Variants in SDC4 observed in about 807,000 individuals in gnomAD.
SDC4 encodes syndecan-4.
A neutral mutation model predicts 20.5 loss-of-function variants in SDC4; 17 were observed. That is an observed-to-expected ratio of 0.83 (90% CI 0.57 to 1.25). The LOEUF (loss-of-function observed/expected upper bound fraction) is 1.25. SDC4 is among the 50% of genes most tolerant of loss of function. SDC4 has a pLI of 0.00. For synonymous variants in SDC4, 107 were observed against 105.3 expected (o/e 1.02, Z -0.10); for missense variants, 241 against 252.3 (o/e 0.96, Z 0.30).
In SDC4 at chr20:45,328,531, G is replaced by A. The variant is rs760764764; in HGVS notation, c.446-1116C>T. Among the ~76,000 whole-genome samples the A allele has an allele frequency of 8.5e-4, 129 of 152,290 alleles. 1 individual carries two copies. The highest frequency in any genetic ancestry group is 2.9e-3 in the African/African-American group (120 of 41,574). On this transcript the variant is annotated intron_variant, in intron 4 of 4. Coordinates refer to ENST00000372733, the MANE Select transcript of SDC4 (RefSeq NM_002999.4). ...TTAATAAATGATACTTTCAGGCTCC[G>A]AGAGGAGAACCTGCCTAGTGTTGGG...
At chr20:45,345,009 G>A (rs912111095) in intron 1 of SDC4, 3 of 152,210 alleles carry the variant, frequency 2.0e-5, no homozygotes, top group Admixed American at 6.5e-5. Flanking sequence ...GGAAGCCACT[G>A]CATTGTTCCG....
At chr20:45,342,426 C>T (rs556699119) in intron 1 of SDC4, among the ~76,000 whole-genome samples, 3 of 152,316 alleles carry the variant, frequency 2.0e-5, no homozygotes, top group African/African-American at 7.2e-5. Context: ...CGCCAGTCCC[C>T]GCAGGCCTGG....
At chr20:45,348,223 T>G in intron 1 of SDC4, 102 bp downstream of exon 1, 4 of 1,031,224 alleles carry the variant, frequency 3.9e-6, no homozygotes, top group South Asian at 1.4e-5. Flanking sequence ...GGGGGTAGCG[T>G]ACCCCCGATC....
Position 45,325,606 on chromosome 20 carries a change from C to T in SDC4, c.*1658G>A, listed in dbSNP as rs117951334. The T allele has an allele frequency of 0.026, 3,647 of 141,152 alleles. 79 individuals are homozygous for T. Among genetic ancestry groups the T allele is most frequent in the South Asian group, 0.083 (362 of 4,344 alleles). 8.7% of individuals were successfully genotyped at this position (141,152 alleles called of 1,614,324 possible). On this transcript the variant is annotated 3_prime_UTR_variant, in exon 5 of 5. Coordinates refer to ENST00000372733, the MANE Select transcript of SDC4 (RefSeq NM_002999.4). ...CCCAGACAACAGGCCCCAGCTGGGG[C>T]CTCATCAGCCCTCCCCCATTCCCCC...
chr20:45,327,911 A>G (rs1987718599), intron 4 of SDC4, among the ~76,000 whole-genome samples: 1 of 152,228 alleles, frequency 6.6e-6, no homozygotes, highest in African/African-American at 2.4e-5. Context: ...CTGGGATTAC[A>G]GGCGTGAGCC....
At chr20:45,344,256 A>C (rs552850527) in intron 1 of SDC4, among the ~76,000 whole-genome samples, 2 of 152,060 alleles carry the variant, frequency 1.3e-5, no homozygotes, top group African/African-American at 4.8e-5. Flanking sequence ...GGGGCTGTGA[A>C]AGTGCGGGAC....
chr20:45,325,909 C>T lies in SDC4; in HGVS notation c.*1355G>A, dbSNP rs1987679174. On this transcript the variant is annotated 3_prime_UTR_variant, in exon 5 of 5. Coordinates refer to ENST00000372733, the MANE Select transcript of SDC4 (RefSeq NM_002999.4). ...AGCCCTAGAGCCTGAAGAAAGCAAACCAAAGAACACCAGCTGGGTCCCAAA... is the reference window on the plus strand; with the variant it reads ...AGCCCTAGAGCCTGAAGAAAGCAAATCAAAGAACACCAGCTGGGTCCCAAA... 1.3e-5 allele frequency: 2 copies of T among 152,486 alleles called. No homozygotes were observed. The highest frequency in any genetic ancestry group is 2.9e-5 in the Non-Finnish European group (2 of 68,026). The allele number at this position is 152,486 out of a possible 1,614,324, so 9.4% of individuals were successfully genotyped here. A position where few individuals can be genotyped will look rare whatever the true frequency, so the allele number is the denominator to read the frequency against.
chr20:45,331,820 C>T (rs1002700584), intron 3 of SDC4, among the ~76,000 whole-genome samples: 4 of 152,176 alleles, frequency 2.6e-5, no homozygotes, highest in African/African-American at 9.7e-5. Flanking sequence ...TGTTGGAAAA[C>T]TCATGAATAA....
intron 1 of SDC4, among the ~76,000 whole-genome samples, chr20:45,340,955 C>G (rs149101112): frequency 1.1e-4 from 17 of 152,332 alleles, no homozygotes; most frequent in African/African-American, 3.6e-4. Flanking sequence ...CTCTACCACC[C>G]AGAGTGGTTG....
chr20:45,327,094 T>C lies in SDC4; in HGVS notation c.*170A>G, dbSNP rs1490418601. ...TGAGGCCCAAAGCTCAAGAAGAACCTGGCAGAACAGTAGAAGACAATGTCT... is the reference window on the plus strand; with the variant it reads ...TGAGGCCCAAAGCTCAAGAAGAACCCGGCAGAACAGTAGAAGACAATGTCT... On this transcript the variant is annotated 3_prime_UTR_variant, in exon 5 of 5. Transcript: ENST00000372733. The C allele has an allele frequency of 1.2e-5, 8 of 661,974 alleles. No individual in the cohort carries two copies. Among genetic ancestry groups the C allele is most frequent in the Non-Finnish European group, 1.4e-5 (6 of 415,196 alleles). 41.0% of individuals were successfully genotyped at this position (661,974 alleles called of 1,614,324 possible). A position where few individuals can be genotyped will look rare whatever the true frequency, so the allele number is the denominator to read the frequency against.
intron 4 of SDC4, 92 bp from the exon 5 acceptor site, chr20:45,327,507 C>A (rs998364978): frequency 1.5e-6 from 2 of 1,378,878 alleles, no homozygotes; most frequent in South Asian, 1.4e-5. Context: ...AGTTCTCTTA[C>A]AACCAGACAT....
intron 3 of SDC4, among the ~76,000 whole-genome samples, chr20:45,332,208 T>C (rs918934545): frequency 6.7e-6 from 1 of 149,920 alleles, no homozygotes; most frequent in Non-Finnish European, 1.5e-5. Context: ...CAGGCTGGGG[T>C]GCAATGGTGC....
rs1226075763 is a variant in SDC4 at position 45,326,373 on chromosome 20, CTA to C, written c.*889_*890del. On this transcript the variant is annotated 3_prime_UTR_variant, in exon 5 of 5. Transcript: ENST00000372733. ...AGGGGAAGGGAGGCCCTATCTAAAG[CTA>C]TAAATAGTAAAAAAAAAAAAAAAAA... 8.8e-6 allele frequency: 1 copy of C among 114,140 alleles called. No individual in the cohort carries two copies. Among genetic ancestry groups the C allele is most frequent in the African/African-American group, 3.4e-5 (1 of 29,238 alleles). The allele number at this position is 114,140 out of a possible 1,614,324, so 7.1% of individuals were successfully genotyped here.
chr20:45,345,123 C>T (rs750346176), intron 1 of SDC4: 1 of 152,200 alleles, frequency 6.6e-6, no homozygotes, highest in Non-Finnish European at 1.5e-5. Flanking sequence ...AATAAAGTTA[C>T]ATGCACGAAT....
chr20:45,341,797 C>T (rs1484953105), intron 1 of SDC4, among the ~76,000 whole-genome samples: 2 of 152,170 alleles, frequency 1.3e-5, no homozygotes, highest in Non-Finnish European at 2.9e-5. Flanking sequence ...ACTCCAGGAT[C>T]CTAGGGTGCC....
At chr20:45,345,278 G>C (rs540208167) in intron 1 of SDC4, 1 of 152,254 alleles carries the variant, frequency 6.6e-6, no homozygotes, top group African/African-American at 2.4e-5. Flanking sequence ...ATTCCCTCAA[G>C]TTAATTCCTT....
At chr20:45,347,050 C>T (rs1988041898) in intron 1 of SDC4, among the ~76,000 whole-genome samples, 1 of 152,154 alleles carries the variant, frequency 6.6e-6, no homozygotes, top group African/African-American at 2.4e-5. Context: ...GAATTAAGCT[C>T]CTGGATATAC....
At chr20:45,338,449 T>C (rs761297806) in intron 1 of SDC4, among the ~76,000 whole-genome samples, 3 of 152,186 alleles carry the variant, frequency 2.0e-5, no homozygotes, top group African/African-American at 4.8e-5. Flanking sequence ...ACAGGGGCTG[T>C]AGTTCCATCA....
chr20:45,328,131 A>G (rs1987722824), intron 4 of SDC4, among the ~76,000 whole-genome samples: 1 of 152,174 alleles, frequency 6.6e-6, no homozygotes, highest in South Asian at 2.1e-4. Context: ...CTGTGTGCAT[A>G]TTTACCTATA....
Sources: allele counts gnomAD v4.1 joint callset (sites outside exome capture counted in the v4.1 genomes callset), GRCh38; gene constraint gnomAD v4.1.1; transcripts MANE v1.5; gene names NCBI Gene and HGNC (gene_info 2026-07-23, HGNC 2026-07-21).